Variants in ADAMTS12 observed in about 807,000 individuals in gnomAD.
The protein encoded by ADAMTS12 is ADAM metallopeptidase with thrombospondin type 1 motif 12.
In ADAMTS12, 118 loss-of-function variants were observed where a neutral mutation model predicts 167.8. The observed-to-expected ratio is 0.70, with a 90% CI of 0.61 to 0.82. The LOEUF (loss-of-function observed/expected upper bound fraction) is 0.82. Ranked by LOEUF, ADAMTS12 falls within the 40% of genes least tolerant of loss-of-function variation. The pLI is 0.00. For synonymous variants in ADAMTS12, 704 were observed against 716.9 expected, an observed-to-expected ratio of 0.98 and a Z score of 0.29; for missense variants, 1,916 against 1,998.8, an observed-to-expected ratio of 0.96 and a Z score of 0.79.
At chr5:33,579,734 T>C (rs1746962593) in intron 18 of ADAMTS12, among the ~76,000 whole-genome samples, 1 of 152,220 alleles carries the variant, frequency 6.6e-6, no homozygotes, top group African/African-American at 2.4e-5. Context: ...GCACCTACCT[T>C]TGCAGGCTAC....
intron 2 of ADAMTS12, among the ~76,000 whole-genome samples, chr5:33,854,929 C>T (rs1749347390): frequency 1.3e-5 from 2 of 152,130 alleles, no homozygotes; most frequent in Non-Finnish European, 1.5e-5. Context: ...TTTCCCTCCC[C>T]CTGGTGAGGG....
At chr5:33,573,102 A>G (rs543312519) in intron 19 of ADAMTS12, among the ~76,000 whole-genome samples, 1 of 152,322 alleles carries the variant, frequency 6.6e-6, no homozygotes, top group Admixed American at 6.5e-5. Context: ...ATAAAACAGG[A>G]TACAAAGAAA....
Position 33,576,177 on chromosome 5 carries a change from TG to T in ADAMTS12, c.3848del (p.Pro1283GlnfsTer3). On this transcript the variant is annotated frameshift_variant, in exon 19 of 24. Transcript: ENST00000504830. LOFTEE classifies it high-confidence loss of function. ...NNMNQTKSSEPVLTEEDATSL... is the reference protein window; with the variant it reads ...NNMNQTKSSEXVLTEEDATSL... Reference sequence around the variant, plus strand: ...TTGTTGCATCCTCCTCAGTCAGGACTGGTTCAGAACTTTTTGTTTGGTTCAT... The same window carrying T: ...TTGTTGCATCCTCCTCAGTCAGGACTGTTCAGAACTTTTTGTTTGGTTCAT... 6.2e-7 allele frequency: 1 copy of T among 1,614,126 alleles called. No individual in the cohort carries two copies. Among genetic ancestry groups the T allele is most frequent in the East Asian group, 2.2e-5 (1 of 44,898 alleles).
intron 3 of ADAMTS12, among the ~76,000 whole-genome samples, chr5:33,746,760 T>C (rs188012258): frequency 6.6e-6 from 1 of 152,360 alleles, no homozygotes; most frequent in East Asian, 1.9e-4. Flanking sequence ...GATTAAAGCC[T>C]ATAATCAGTT....
At chr5:33,637,876 CTGCT>C (rs1249126960) in intron 11 of ADAMTS12, 130 bp from the exon 12 acceptor site, 3 of 939,948 alleles carry the variant, frequency 3.2e-6, no homozygotes, top group Non-Finnish European at 4.6e-6. Flanking sequence ...TTTTAAATAA[CTGCT>C]TCAAATTTTA....
At chr5:33,639,360 G>T (rs1740348774) in intron 11 of ADAMTS12, among the ~76,000 whole-genome samples, 1 of 152,150 alleles carries the variant, frequency 6.6e-6, no homozygotes, top group African/African-American at 2.4e-5. Context: ...AAAAAAATGA[G>T]CTATATAAGA....
At chr5:33,569,175 C>T (rs528238037) in intron 19 of ADAMTS12, among the ~76,000 whole-genome samples, 1 of 152,232 alleles carries the variant, frequency 6.6e-6, no homozygotes, top group South Asian at 2.1e-4. Flanking sequence ...AGGGCACAGA[C>T]AAACAAAAAG....
At chr5:33,596,199 A>G (rs1163139888) in intron 16 of ADAMTS12, 139 bp from the exon 17 acceptor site, 3 of 1,068,334 alleles carry the variant, frequency 2.8e-6, no homozygotes, top group African/African-American at 3.1e-5. Context: ...GTTTTAAAGG[A>G]GGGATGAAGA....
intron 2 of ADAMTS12, among the ~76,000 whole-genome samples, chr5:33,861,333 A>G (rs2084488861): frequency 6.6e-6 from 1 of 152,240 alleles, no homozygotes; most frequent in Non-Finnish European, 1.5e-5. Context: ...GGATGGAGGA[A>G]TATTTGCCAA....
chr5:33,694,580 T>C (rs1344676000), intron 3 of ADAMTS12, among the ~76,000 whole-genome samples: 2 of 152,084 alleles, frequency 1.3e-5, no homozygotes, highest in Non-Finnish European at 2.9e-5. Context: ...TACTGACACA[T>C]AAAGTATAAA....
Position 33,641,951 on chromosome 5 carries a change from C to A in ADAMTS12, c.1577G>T (p.Cys526Phe). Residue 526 changes from cysteine (C) to phenylalanine (F), a missense_variant, in exon 11 of 24, where the codon TGT (cysteine) becomes TTT (phenylalanine). Coordinates refer to ENST00000504830, the MANE Select transcript of ADAMTS12 (RefSeq NM_030955.4). ...CACTGTGATGCACTTGCCTGCCATA[C>A]ACCACTGGAAAGGGAAGAGGCAGGA... ...DGTQCGEKKWCMAGKCITVGK... is the reference protein window; with the variant it reads ...DGTQCGEKKWFMAGKCITVGK... 6.2e-7 allele frequency: 1 copy of A among 1,611,380 alleles called. No homozygotes were observed. Among genetic ancestry groups the A allele is most frequent in the Non-Finnish European group, 8.5e-7 (1 of 1,178,284 alleles).
chr5:33,607,451 T>C (rs888450644), intron 16 of ADAMTS12, among the ~76,000 whole-genome samples: 1 of 152,162 alleles, frequency 6.6e-6, no homozygotes, highest in Non-Finnish European at 1.5e-5. Context: ...CCCGAAGACC[T>C]GAATAGAGAG....
chr5:33,719,198 T>C (rs1356636690), intron 3 of ADAMTS12, among the ~76,000 whole-genome samples: 20 of 152,236 alleles, frequency 1.3e-4, no homozygotes, highest in Admixed American at 1.1e-3. Flanking sequence ...GGAAGAGGAA[T>C]AGATACAGAT....
chr5:33,631,771 C>G lies in ADAMTS12; in HGVS notation c.1889-858G>C, dbSNP rs188411984. On this transcript the variant is annotated intron_variant, in intron 12 of 23. Transcript: ENST00000504830. ...AATTTTTTAATGAATGTAATGAATG[C>G]TTTTCTTTAGTGAAAAACACAATAA... is the stretch of plus-strand genomic sequence containing the variant. Among the ~76,000 whole-genome samples, 653 of 152,282 alleles carry G rather than the reference C, an allele frequency of 4.3e-3. 3 individuals are homozygous for G. The highest frequency in any genetic ancestry group is 0.01 in the Middle Eastern group (3 of 294).
rs548714205 is a variant in ADAMTS12 at position 33,619,532 on chromosome 5, T to C, written c.2144-3460A>G. On this transcript the variant is annotated intron_variant, in intron 14 of 23. Transcript: ENST00000504830. Reference sequence around the variant, plus strand: ...CTTGCAGAAGCTGCTTCTCCTGTTATCTTGACACTTTTAAAACCAAACCTC... The same window carrying C: ...CTTGCAGAAGCTGCTTCTCCTGTTACCTTGACACTTTTAAAACCAAACCTC... Among the ~76,000 whole-genome samples, 15 of 152,288 alleles carry C rather than the reference T, an allele frequency of 9.8e-5. No homozygotes were observed. In the South Asian group the frequency reaches 3.1e-3, roughly 32 times the overall value.
chr5:33,628,535 T>G (rs1739766918), intron 13 of ADAMTS12, among the ~76,000 whole-genome samples: 1 of 152,138 alleles, frequency 6.6e-6, no homozygotes, highest in South Asian at 2.1e-4. Flanking sequence ...ACCAAAATAT[T>G]GGCAAATATT....
At position 33,851,682 on chromosome 5, in the gene ADAMTS12, A is replaced by G. The variant is rs774237380; in HGVS notation, c.489+29437T>C. ...GCTGCCCAGTCCCCCACAATATCCAACCTCCAAGATCAGATGTGCCCTCTG... is the reference window on the plus strand; with the variant it reads ...GCTGCCCAGTCCCCCACAATATCCAGCCTCCAAGATCAGATGTGCCCTCTG... On this transcript the variant is annotated intron_variant, in intron 2 of 23. Coordinates refer to ENST00000504830, the MANE Select transcript of ADAMTS12 (RefSeq NM_030955.4). 6.6e-5 allele frequency among the ~76,000 whole-genome samples: 10 copies of G among 152,294 alleles called. No individual in the cohort carries two copies. The East Asian group carries it at 1.7e-3, about 26-fold the overall frequency.
Position 33,682,945 on chromosome 5 carries a change from A to G in ADAMTS12, c.915+73T>C. The G allele has an allele frequency of 2.3e-6, 3 of 1,277,018 alleles. No homozygotes were observed. In the South Asian group the frequency reaches 4.0e-5, roughly 17 times the overall value. The allele number at this position is 1,277,018 out of a possible 1,614,324, so 79.1% of individuals were successfully genotyped here. A position where few individuals can be genotyped will look rare whatever the true frequency, so the allele number is the denominator to read the frequency against. On this transcript the variant is annotated intron_variant, in intron 5 of 23. Coordinates refer to ENST00000504830, the MANE Select transcript of ADAMTS12 (RefSeq NM_030955.4). ...CTGGTACCCTCTTTCTTGTCTACCA[A>G]GAACTCCCCTGAAAAAAAGAAGGTA...
rs951306433 is a variant in ADAMTS12, at chr5:33,686,548, T to C, written c.635-2493A>G. 5.3e-5 allele frequency among the ~76,000 whole-genome samples: 8 copies of C among 152,096 alleles called. No homozygotes were observed. In the East Asian group the frequency reaches 1.6e-3, roughly 30 times the overall value. On this transcript the variant is annotated intron_variant, in intron 3 of 23. Coordinates refer to ENST00000504830, the MANE Select transcript of ADAMTS12 (RefSeq NM_030955.4). ...TGCTAGGCACTGAATGTTTGCATCC[T>C]GCCCAGACGCAGATGATGAAGCCCT... is the stretch of plus-strand genomic sequence containing the variant.
Sources: gnomAD v4.1 joint callset for allele counts (sites outside exome capture counted in the v4.1 genomes callset) on GRCh38, gnomAD v4.1.1 for gene constraint, MANE v1.5 for transcripts, NCBI Gene and HGNC (gene_info 2026-07-23, HGNC 2026-07-21) for gene names.